Variants in FGGY observed in about 807,000 individuals in gnomAD.
FGGY encodes the protein FGGY carbohydrate kinase domain-containing protein.
A neutral mutation model predicts 71.3 loss-of-function variants in FGGY; 72 were observed. That is an observed-to-expected ratio of 1.01 (90% CI 0.84 to 1.23). The LOEUF (loss-of-function observed/expected upper bound fraction) is 1.23, where lower values mean the gene tolerates loss of function less well. FGGY is among the 50% of genes most tolerant of loss of function. FGGY has a pLI of 0.00. For synonymous variants in FGGY, 251 were observed against 250.3 expected, an observed-to-expected ratio of 1.00 and a Z score of -0.02; for missense variants, 668 against 682.3, an observed-to-expected ratio of 0.98 and a Z score of 0.23.
At chr1:59,323,893 T>C (rs1214351223) in intron 2 of FGGY, among the ~76,000 whole-genome samples, 1 of 152,214 alleles carries the variant, frequency 6.6e-6, no homozygotes. Flanking sequence ...GACAAAATAC[T>C]GAAAAGTCAA....
At position 59,417,131 on chromosome 1, in the gene FGGY, C is replaced by T. The variant is rs532911825; in HGVS notation, c.554+38294C>T. On this transcript the variant is annotated intron_variant, in intron 5 of 15. Transcript: ENST00000303721. ...AGCAGTAAGTCCTCATATCCCTCTA[C>T]ACCTAGCCATTGGCAACCACTAGCC... 6.6e-5 allele frequency among the ~76,000 whole-genome samples: 10 copies of T among 152,302 alleles called. No homozygotes were observed. The South Asian group carries it at 1.9e-3, about 28-fold the overall frequency.
chr1:59,570,081 G>A, intron 8 of FGGY, among the ~76,000 whole-genome samples: 1 of 152,124 alleles, frequency 6.6e-6, no homozygotes, highest in East Asian at 1.9e-4. Context: ...CAATTAATGT[G>A]CACAAAATAT....
At chr1:59,535,826 C>T (rs941654322) in intron 7 of FGGY, among the ~76,000 whole-genome samples, 2 of 148,862 alleles carry the variant, frequency 1.3e-5, no homozygotes, top group African/African-American at 5.0e-5. Context: ...GGGATGCATT[C>T]AAAGCAGTGT....
At position 59,403,174 on chromosome 1, in the gene FGGY, G is replaced by A. The variant is rs564214544; in HGVS notation, c.554+24337G>A. On this transcript the variant is annotated intron_variant, in intron 5 of 15. Coordinates refer to ENST00000303721, the MANE Select transcript of FGGY (RefSeq NM_018291.5). ...CAGTGTGCTGGATGCTTCTGAAAGC[G>A]TTTGACAAGTGCTTTTTGAGTTTTT... 1.6e-4 allele frequency among the ~76,000 whole-genome samples: 25 copies of A among 152,300 alleles called. No individual in the cohort carries two copies. In the South Asian group the frequency reaches 4.2e-3, roughly 25 times the overall value.
At chr1:59,505,942 C>G (rs2094368096) in intron 6 of FGGY, among the ~76,000 whole-genome samples, 1 of 152,104 alleles carries the variant, frequency 6.6e-6, no homozygotes, top group Admixed American at 6.5e-5. Context: ...TAGATTCCAG[C>G]TTTTGACCAC....
chr1:59,749,060 G>A (rs2098223786), intron 14 of FGGY, among the ~76,000 whole-genome samples: 1 of 152,178 alleles, frequency 6.6e-6, no homozygotes, highest in Non-Finnish European at 1.5e-5. Context: ...GACAGCTTCT[G>A]GATTGGTGAA....
intron 1 of FGGY, among the ~76,000 whole-genome samples, chr1:59,306,829 A>T (rs2043505573): frequency 6.6e-6 from 1 of 152,218 alleles, no homozygotes; most frequent in South Asian, 2.1e-4. Context: ...AAAATTGTTC[A>T]GGCTAAATAT....
At chr1:59,409,808 A>C (rs1001998219) in intron 5 of FGGY, among the ~76,000 whole-genome samples, 1 of 152,160 alleles carries the variant, frequency 6.6e-6, no homozygotes, top group African/African-American at 2.4e-5. Context: ...GTTAAATGAA[A>C]TAACTAAGTT....
At chr1:59,545,200 G>C (rs1051263460) in intron 7 of FGGY, among the ~76,000 whole-genome samples, 6 of 152,160 alleles carry the variant, frequency 3.9e-5, no homozygotes, top group Admixed American at 1.3e-4. Context: ...ACCCAGCATA[G>C]TTCCTGGCTT....
At chr1:59,478,329 A>G (rs919200706) in intron 6 of FGGY, among the ~76,000 whole-genome samples, 7 of 152,240 alleles carry the variant, frequency 4.6e-5, no homozygotes, top group African/African-American at 7.2e-5. Flanking sequence ...AATTGACAGC[A>G]TATTGAAGCC....
At chr1:59,512,772 T>G (rs1034348490) in intron 7 of FGGY, among the ~76,000 whole-genome samples, 6 of 152,270 alleles carry the variant, frequency 3.9e-5, no homozygotes, top group Non-Finnish European at 7.3e-5. Context: ...TGTTTTTTTG[T>G]AAGGTACTCC....
At chr1:59,604,770 C>G (rs1352107497) in intron 8 of FGGY, among the ~76,000 whole-genome samples, 3 of 152,162 alleles carry the variant, frequency 2.0e-5, no homozygotes, top group African/African-American at 7.2e-5. Context: ...ACTAATCTGT[C>G]AAATGGGGCC....
chr1:59,374,873 A>C (rs1483020463), intron 4 of FGGY, among the ~76,000 whole-genome samples: 1 of 130,562 alleles, frequency 7.7e-6, no homozygotes, highest in Non-Finnish European at 1.6e-5. Context: ...ACACATGGTC[A>C]CAGGAAGGGG....
chr1:59,464,675 A>G (rs1340413014), intron 6 of FGGY, among the ~76,000 whole-genome samples: 1 of 152,210 alleles, frequency 6.6e-6, no homozygotes, highest in South Asian at 2.1e-4. Context: ...GCAATAAAAA[A>G]TAATATAGGA....
intron 6 of FGGY, among the ~76,000 whole-genome samples, chr1:59,489,386 T>A (rs585896): frequency 0.44 from 67,132 of 151,936 alleles, 15,110 homozygotes; most frequent in Middle Eastern, 0.52. Context: ...CCTCTACCAT[T>A]CTCTGCCTCT....
intron 2 of FGGY, among the ~76,000 whole-genome samples, chr1:59,327,822 T>C (rs2047709883): frequency 1.3e-5 from 2 of 152,236 alleles, no homozygotes; most frequent in African/African-American, 4.8e-5. Context: ...TTCATCTCCT[T>C]GTACATCTTC....
chr1:59,500,262 G>A (rs1558137880), intron 6 of FGGY, among the ~76,000 whole-genome samples: 1 of 152,102 alleles, frequency 6.6e-6, no homozygotes, highest in Non-Finnish European at 1.5e-5. Flanking sequence ...TTAAGGATCA[G>A]CAACAGTTGG....
At chr1:59,428,592 A>G (rs1271678609) in intron 5 of FGGY, among the ~76,000 whole-genome samples, 1 of 152,202 alleles carries the variant, frequency 6.6e-6, no homozygotes, top group Non-Finnish European at 1.5e-5. Flanking sequence ...GGTGCACGTG[A>G]CCTTGGGTCA....
At chr1:59,562,847 T>C (rs2153721597) in intron 8 of FGGY, among the ~76,000 whole-genome samples, 1 of 152,322 alleles carries the variant, frequency 6.6e-6, no homozygotes, top group African/African-American at 2.4e-5. Flanking sequence ...TGATCTATGC[T>C]ATGTCAAAAC....
Sources: gnomAD v4.1 joint callset for allele counts (sites outside exome capture counted in the v4.1 genomes callset) on GRCh38, gnomAD v4.1.1 for gene constraint, MANE v1.5 for transcripts, NCBI Gene and HGNC (gene_info 2026-07-23, HGNC 2026-07-21) for gene names.